The following FSIP1 variants were observed in gnomAD, a reference collection of about 807,000 sequenced individuals.
FSIP1 encodes the protein fibrous sheath interacting protein 1.
Under a neutral mutation model 60.9 loss-of-function variants are expected in FSIP1, and 65 were observed. The ratio of observed to expected loss-of-function variants is 1.07; its 90% CI spans 0.87 to 1.31. The LOEUF (loss-of-function observed/expected upper bound fraction) is 1.31. FSIP1 is among the 40% of genes most tolerant of loss of function. FSIP1 has a pLI of 0.00. For missense variants in FSIP1, 675 were observed against 665.5 expected (o/e 1.01, Z -0.16); for synonymous variants, 209 against 221.2 (o/e 0.94, Z 0.49).
At chr15:39,730,150 G>A (rs1295717855) in intron 8 of FSIP1, among the ~76,000 whole-genome samples, 2 of 152,116 alleles carry the variant, frequency 1.3e-5, no homozygotes, top group Non-Finnish European at 2.9e-5. Flanking sequence ...GTAGGTTATG[G>A]TGGTCACATT....
intron 2 of FSIP1, among the ~76,000 whole-genome samples, chr15:39,776,190 A>G (rs1898052494): frequency 1.8e-5 from 1 of 56,072 alleles, no homozygotes; most frequent in Non-Finnish European, 3.4e-5. Context: ...GGGCGGAGGG[A>G]GGAGAGAGAG....
intron 10 of FSIP1, among the ~76,000 whole-genome samples, chr15:39,664,729 C>G (rs907273972): frequency 6.6e-6 from 1 of 151,964 alleles, no homozygotes; most frequent in Non-Finnish European, 1.5e-5. Context: ...TTCCAGTGTC[C>G]CTTTGCCCCC....
At position 39,771,794 on chromosome 15, in the gene FSIP1, C is replaced by T. The variant is rs139152026; in HGVS notation, c.127-1184G>A. Among the ~76,000 whole-genome samples the T allele has an allele frequency of 5.4e-3, 829 of 152,244 alleles. 4 individuals carry two copies. The highest frequency in any genetic ancestry group is 0.019 in the African/African-American group (778 of 41,538). ...AGGTGGTTAAACAGGGTTCCCTGTT[C>T]AAAAACATATTTCTGCCAAATGCCA... On this transcript the variant is annotated intron_variant, in intron 2 of 11. Transcript: ENST00000350221.
rs149328135 is a variant in FSIP1, at chr15:39,722,453, G to C, written c.1050+4136C>G. On this transcript the variant is annotated intron_variant, in intron 9 of 11. Transcript: ENST00000350221. The stretch of plus-strand genomic sequence containing the variant: ...GTCTTCCACAAACCCAGTCCCTGAC[G>C]CCAAAATACTTGGGGACCACTGCTG... Among the ~76,000 whole-genome samples the C allele has an allele frequency of 1.7e-3, 257 of 152,196 alleles. 1 individual carries two copies. The highest frequency in any genetic ancestry group is 5.9e-3 in the African/African-American group (244 of 41,520).
chr15:39,613,856 A>T (rs1014992671), intron 11 of FSIP1, among the ~76,000 whole-genome samples: 1 of 152,252 alleles, frequency 6.6e-6, no homozygotes, highest in Non-Finnish European at 1.5e-5. Flanking sequence ...TAAAAACCAT[A>T]TGATAATCTC....
chr15:39,759,870 G>A (rs1225764940), intron 5 of FSIP1, among the ~76,000 whole-genome samples: 1 of 152,040 alleles, frequency 6.6e-6, no homozygotes, highest in Non-Finnish European at 1.5e-5. Flanking sequence ...GGCTACCTAT[G>A]ATGGAATTTA....
intron 11 of FSIP1, among the ~76,000 whole-genome samples, chr15:39,607,253 T>C (rs1308875125): frequency 6.6e-6 from 1 of 152,216 alleles, no homozygotes; most frequent in East Asian, 1.9e-4. Flanking sequence ...TCTCCACAGA[T>C]GATGCCTGAG....
intron 1 of FSIP1, among the ~76,000 whole-genome samples, chr15:39,782,304 A>G (rs192931129): frequency 7.0e-4 from 107 of 152,118 alleles, no homozygotes; most frequent in Non-Finnish European, 1.2e-3. Flanking sequence ...TGAAATGCCT[A>G]TTTGCATCCT....
intron 10 of FSIP1, among the ~76,000 whole-genome samples, chr15:39,664,351 G>A (rs1893414307): frequency 6.6e-6 from 1 of 152,038 alleles, no homozygotes; most frequent in African/African-American, 2.4e-5. Context: ...ATTTTAAGGG[G>A]TTTTTAAAAG....
chr15:39,697,479 T>C (rs1051745592), intron 10 of FSIP1, among the ~76,000 whole-genome samples: 2 of 152,102 alleles, frequency 1.3e-5, no homozygotes, highest in African/African-American at 4.8e-5. Context: ...CATTAGCAAA[T>C]ACTGCCCAAA....
chr15:39,652,829 G>C (rs1336720258), intron 10 of FSIP1, among the ~76,000 whole-genome samples: 4 of 151,934 alleles, frequency 2.6e-5, no homozygotes, highest in African/African-American at 9.7e-5. Context: ...ACAACAAAAT[G>C]GTAAATATTT....
intron 2 of FSIP1, among the ~76,000 whole-genome samples, chr15:39,771,210 A>G (rs937540690): frequency 1.2e-4 from 18 of 152,216 alleles, no homozygotes; most frequent in African/African-American, 4.1e-4. Flanking sequence ...GTGAGGGAAA[A>G]GCAGGGATCA....
chr15:39,637,450 G>A (rs1892182917), intron 10 of FSIP1, among the ~76,000 whole-genome samples: 1 of 152,140 alleles, frequency 6.6e-6, no homozygotes, highest in African/African-American at 2.4e-5. Flanking sequence ...TCCTTCCACT[G>A]GACCACTCAG....
chr15:39,691,749 C>G (rs909560724), intron 10 of FSIP1, among the ~76,000 whole-genome samples: 5 of 152,126 alleles, frequency 3.3e-5, no homozygotes, highest in Non-Finnish European at 7.3e-5. Flanking sequence ...TGACTCCTTC[C>G]TAGCTCAGAA....
chr15:39,679,879 G>T (rs1018327977), intron 10 of FSIP1, among the ~76,000 whole-genome samples: 4 of 152,044 alleles, frequency 2.6e-5, no homozygotes, highest in Non-Finnish European at 5.9e-5. Context: ...TAGCCACAAG[G>T]TACCAAATAT....
Position 39,622,887 on chromosome 15 carries a change from T to G in FSIP1, c.1189-4642A>C, listed in dbSNP as rs1010263750. 3.4e-4 allele frequency among the ~76,000 whole-genome samples: 51 copies of G among 152,122 alleles called. 1 individual carries two copies. Among genetic ancestry groups the G allele is most frequent in the Admixed American group, 5.9e-4 (9 of 15,272 alleles). ...TGTCCATTCTATCAGATACAGAAAC[T>G]CTCCCCGCAGAACAGTTTACTTAAC... is the stretch of plus-strand genomic sequence containing the variant. On this transcript the variant is annotated intron_variant, in intron 10 of 11. Transcript: ENST00000350221.
intron 9 of FSIP1, among the ~76,000 whole-genome samples, chr15:39,715,987 C>T (rs1895723126): frequency 1.3e-5 from 2 of 152,194 alleles, no homozygotes; most frequent in Admixed American, 1.3e-4. Flanking sequence ...GTACAGCCTG[C>T]AGAACCGCGA....
intron 7 of FSIP1, 128 bp from the exon 8 acceptor site, chr15:39,738,329 A>G: frequency 1.8e-6 from 1 of 564,842 alleles, no homozygotes; most frequent in Middle Eastern, 3.0e-4. Flanking sequence ...GGCATTTTAC[A>G]TTTTCTAGGT....
chr15:39,617,304 G>A (rs1891267524), intron 11 of FSIP1, among the ~76,000 whole-genome samples: 1 of 152,200 alleles, frequency 6.6e-6, no homozygotes, highest in Non-Finnish European at 1.5e-5. Context: ...TGGCTCAGGA[G>A]AGGAGGTTTG....
Sources: gnomAD v4.1 joint callset for allele counts (sites outside exome capture counted in the v4.1 genomes callset) on GRCh38, gnomAD v4.1.1 for gene constraint, MANE v1.5 for transcripts, NCBI Gene and HGNC (gene_info 2026-07-23, HGNC 2026-07-21) for gene names.